The following BCAS3 variants were observed in gnomAD, a reference collection of about 807,000 sequenced individuals.
BCAS3 encodes the protein BCAS4/BCAS3 fusion.
BCAS3 carries 53 observed loss-of-function variants against 116.1 expected under a neutral mutation model. The observed-to-expected ratio is 0.46, with a 90% CI of 0.37 to 0.57. The LOEUF is 0.57. Ranked by LOEUF, BCAS3 falls within the 20% of genes least tolerant of loss-of-function variation. BCAS3 has a pLI of 0.00. For synonymous variants in BCAS3, 391 were observed against 408.2 expected (o/e 0.96, Z 0.51); for missense variants, 917 against 1,165.4 (o/e 0.79, Z 3.10).
intron 22 of BCAS3, among the ~76,000 whole-genome samples, chr17:61,298,791 ATTATTTAT>A (rs144760223): frequency 1.7e-4 from 25 of 145,444 alleles, no homozygotes; most frequent in East Asian, 6.0e-4. Flanking sequence ...GTCACATGCC[ATTATTTAT>A]TTATTTATTT....
chr17:61,005,533 C>T (rs567725530), intron 15 of BCAS3, among the ~76,000 whole-genome samples: 56 of 152,202 alleles, frequency 3.7e-4, no homozygotes, highest in African/African-American at 1.2e-3. Flanking sequence ...CAATCTGTTG[C>T]TCTTTCCCAT....
At chr17:60,924,602 T>A in intron 13 of BCAS3, 102 bp downstream of exon 13, 1 of 755,952 alleles carries the variant, frequency 1.3e-6, no homozygotes, top group Admixed American at 2.9e-5. Flanking sequence ...TTTCTTCATG[T>A]ATCAGTATAT....
At chr17:60,777,016 CA>C (rs58245869) in intron 6 of BCAS3, among the ~76,000 whole-genome samples, 882 of 78,822 alleles carry the variant, frequency 0.011, 18 homozygotes, top group East Asian at 0.083. Context: ...AACTCCATCT[CA>C]AAAAAAAAAA....
At chr17:60,911,495 T>G (rs1439465959) in intron 12 of BCAS3, among the ~76,000 whole-genome samples, 1 of 152,100 alleles carries the variant, frequency 6.6e-6, no homozygotes, top group Non-Finnish European at 1.5e-5. Flanking sequence ...GTTGAGTTTC[T>G]CCGTGTTGGC....
Position 61,004,341 on chromosome 17 carries a change from G to A in BCAS3, c.1487-11410G>A, listed in dbSNP as rs1399179387. On this transcript the variant is annotated intron_variant, in intron 15 of 23. Coordinates refer to ENST00000407086, the MANE Select transcript of BCAS3 (RefSeq NM_017679.5). The surrounding 1 kb of genome is among the most constrained non-coding windows in gnomAD (Gnocchi z 4.8). ...AAGAAGTGAATGTTCATTTCCTTAT[G>A]TACTTATCAAAAGGAAGATCTGAAA... is the stretch of plus-strand genomic sequence containing the variant. Among the ~76,000 whole-genome samples, 1 of 151,792 alleles carries A rather than the reference G, an allele frequency of 6.6e-6. No individual in the cohort carries two copies. Among genetic ancestry groups the A allele is most frequent in the Non-Finnish European group, 1.5e-5 (1 of 67,930 alleles).
intron 6 of BCAS3, among the ~76,000 whole-genome samples, chr17:60,770,542 C>T (rs1174184650): frequency 1.3e-5 from 2 of 150,530 alleles, no homozygotes; most frequent in African/African-American, 4.9e-5. Context: ...CCTCAGCCTC[C>T]CGAGTAGCTG....
rs2144355120 is a variant in BCAS3 at position 61,215,319 on chromosome 17, A to G, written c.2425+130755A>G. Among the ~76,000 whole-genome samples, 1 of 152,320 alleles carries G rather than the reference A, an allele frequency of 6.6e-6. No individual in the cohort carries two copies. Among genetic ancestry groups the G allele is most frequent in the Non-Finnish European group, 1.5e-5 (1 of 68,016 alleles). ...TCTTTTTGCTCTGGATGGAGAATCT[A>G]GAGATCTGGGGTTTTACTCATCACT... On this transcript the variant is annotated intron_variant, in intron 22 of 23. Coordinates refer to ENST00000407086, the MANE Select transcript of BCAS3 (RefSeq NM_017679.5). This position sits in a 1 kb window ranked among gnomAD's most constrained non-coding sequence, Gnocchi z 4.8.
At chr17:60,735,993 T>G (rs1201573330) in intron 5 of BCAS3, among the ~76,000 whole-genome samples, 1 of 143,240 alleles carries the variant, frequency 7.0e-6, no homozygotes, top group African/African-American at 3.0e-5. Flanking sequence ...CAACATTTTT[T>G]GAAGGTTGAA....
intron 5 of BCAS3, among the ~76,000 whole-genome samples, chr17:60,729,680 T>C (rs1423658866): frequency 6.6e-6 from 1 of 152,238 alleles, no homozygotes; most frequent in Non-Finnish European, 1.5e-5. Context: ...TAAATCAAGA[T>C]AGGTTTACAA....
chr17:60,984,493 A>T (rs1039413127), intron 14 of BCAS3, among the ~76,000 whole-genome samples: 2 of 151,768 alleles, frequency 1.3e-5, no homozygotes, highest in African/African-American at 4.8e-5. Context: ...TTAATTTTTA[A>T]TTTTTGTGGG....
intron 14 of BCAS3, among the ~76,000 whole-genome samples, chr17:60,977,046 G>T (rs538651347): frequency 4.6e-5 from 7 of 152,116 alleles, no homozygotes; most frequent in African/African-American, 1.7e-4. Flanking sequence ...CTCCCAGACG[G>T]GGTGGCGGCC....
At position 61,347,775 on chromosome 17, in the gene BCAS3, G is replaced by A. The variant is rs1230005913; in HGVS notation, c.2426-20552G>A. ...GACCTAAGTCAGACCCAGAAGGGGA[G>A]TGGTAGACTTTTCCGGCTGACCTAA... On this transcript the variant is annotated intron_variant, in intron 22 of 23. Transcript: ENST00000407086. This position sits in a 1 kb window ranked among gnomAD's most constrained non-coding sequence, Gnocchi z 4.3. 3.3e-5 allele frequency among the ~76,000 whole-genome samples: 5 copies of A among 152,192 alleles called. No individual in the cohort carries two copies. The East Asian group carries it at 9.6e-4, about 29-fold the overall frequency.
At chr17:60,706,758 C>CA (rs1243360795) in intron 4 of BCAS3, among the ~76,000 whole-genome samples, 3 of 140,096 alleles carry the variant, frequency 2.1e-5, no homozygotes, top group Admixed American at 7.0e-5. Flanking sequence ...GACTCTGTCT[C>CA]AAAAAACAAA....
chr17:60,982,694 CA>C (rs2145405488), intron 14 of BCAS3, among the ~76,000 whole-genome samples: 1 of 152,100 alleles, frequency 6.6e-6, no homozygotes, highest in African/African-American at 2.4e-5. Context: ...ATCTATATTA[CA>C]AAAAACTATA....
intron 15 of BCAS3, among the ~76,000 whole-genome samples, chr17:61,015,495 G>T (rs2065393813): frequency 6.6e-6 from 1 of 152,068 alleles, no homozygotes; most frequent in Admixed American, 6.6e-5. Context: ...TCACTCTGTT[G>T]CCCAGGCTGG....
At chr17:60,828,546 G>T (rs1249004578) in intron 7 of BCAS3, among the ~76,000 whole-genome samples, 1 of 152,082 alleles carries the variant, frequency 6.6e-6, no homozygotes, top group Non-Finnish European at 1.5e-5. Context: ...TTTTAAATTG[G>T]TTATAATCAA....
At chr17:61,341,817 G>T (rs2057177988) in intron 22 of BCAS3, among the ~76,000 whole-genome samples, 1 of 152,218 alleles carries the variant, frequency 6.6e-6, no homozygotes. Flanking sequence ...ATATCTTAAA[G>T]TCAGTAGCCA....
intron 22 of BCAS3, among the ~76,000 whole-genome samples, chr17:61,287,117 G>A (rs919891400): frequency 5.3e-4 from 81 of 151,704 alleles, no homozygotes; most frequent in Middle Eastern, 3.4e-3. Flanking sequence ...GCGTGGTGGC[G>A]GGCACCTGTA....
At chr17:60,953,253 C>T (rs1034423454) in intron 14 of BCAS3, among the ~76,000 whole-genome samples, 1 of 152,174 alleles carries the variant, frequency 6.6e-6, no homozygotes, top group Non-Finnish European at 1.5e-5. Flanking sequence ...GTTCCCTTTT[C>T]TCCACAACCT....
Sources: allele counts gnomAD v4.1 joint callset (sites outside exome capture counted in the v4.1 genomes callset), GRCh38; gene constraint gnomAD v4.1.1; non-coding constraint Gnocchi (gnomAD v3.1); transcripts MANE v1.5; gene names NCBI Gene and HGNC (gene_info 2026-07-23, HGNC 2026-07-21).